Variants in MEF2C observed in about 807,000 individuals in gnomAD.
MEF2C encodes the protein myocyte-specific enhancer factor 2C.
A neutral mutation model predicts 50.5 loss-of-function variants in MEF2C; 6 were observed. The ratio of observed to expected loss-of-function variants is 0.12; its 90% CI spans 0.07 to 0.23. The LOEUF (loss-of-function observed/expected upper bound fraction) is 0.23. Among genes scored for constraint, MEF2C ranks in the 10% least tolerant of loss-of-function variants. The pLI is 1.00. For synonymous variants in MEF2C, 183 were observed against 228.0 expected, an observed-to-expected ratio of 0.80 and a Z score of 1.78; for missense variants, 276 against 605.0, an observed-to-expected ratio of 0.46 and a Z score of 5.70.
Position 88,764,724 on chromosome 5 carries a change from C to T in MEF2C, c.259-3396G>A, listed in dbSNP as rs1389401486. On this transcript the variant is annotated intron_variant, in intron 3 of 10. Transcript: ENST00000504921. ...TTGGGAGGCTGACACAGGAAAATCACTTGAACCCGGGAGCCAGAGATTGCA... is the reference window on the plus strand; with the variant it reads ...TTGGGAGGCTGACACAGGAAAATCATTTGAACCCGGGAGCCAGAGATTGCA... Among the ~76,000 whole-genome samples, 3 of 148,764 alleles carry T rather than the reference C, an allele frequency of 2.0e-5. No homozygotes were observed. In the Admixed American group the frequency reaches 2.0e-4, roughly 10 times the overall value.
chr5:88,839,016 A>G (rs764655136), intron 1 of MEF2C, among the ~76,000 whole-genome samples: 9 of 152,198 alleles, frequency 5.9e-5, no homozygotes, highest in Admixed American at 2.6e-4. Context: ...CGATATATTT[A>G]TAATTGTTGG....
At chr5:88,743,683 T>C (rs1410679362) in intron 6 of MEF2C, 1 of 985,432 alleles carries the variant, frequency 1.0e-6, no homozygotes, top group East Asian at 1.1e-4. Flanking sequence ...ATGGAGTCTT[T>C]CCAGAGTCTG....
At chr5:88,892,916 C>T (rs1026120777) in intron 1 of MEF2C, among the ~76,000 whole-genome samples, 3 of 152,174 alleles carry the variant, frequency 2.0e-5, no homozygotes, top group Non-Finnish European at 4.4e-5. Flanking sequence ...GGGCAAAAGC[C>T]TGCTGGGAAG....
At chr5:88,729,373 A>C (rs528057797) in intron 8 of MEF2C, 26 bp from the exon 9 acceptor site, 2 of 1,557,672 alleles carry the variant, frequency 1.3e-6, no homozygotes, top group African/African-American at 2.7e-5. Flanking sequence ...AAAAGACATT[A>C]CTGATGAATT....
intron 1 of MEF2C, among the ~76,000 whole-genome samples, chr5:88,851,182 G>A (rs1044157602): frequency 7.0e-6 from 1 of 143,026 alleles, no homozygotes; most frequent in Non-Finnish European, 1.5e-5. Context: ...GCAGTGAGCC[G>A]AGATCGCGCA....
At chr5:88,853,945 A>G (rs1822316684) in intron 1 of MEF2C, among the ~76,000 whole-genome samples, 1 of 152,216 alleles carries the variant, frequency 6.6e-6, no homozygotes, top group African/African-American at 2.4e-5. Context: ...TTGTTATTTC[A>G]TGACCTCACT....
At chr5:88,826,361 C>A (rs75479295) in intron 1 of MEF2C, among the ~76,000 whole-genome samples, 6,765 of 151,900 alleles carry the variant, frequency 0.045, 363 homozygotes, top group East Asian at 0.16. Flanking sequence ...ATAAATATTT[C>A]TTGAGGTATT....
intron 3 of MEF2C, among the ~76,000 whole-genome samples, chr5:88,784,887 A>G (rs1452953065): frequency 6.6e-6 from 1 of 152,158 alleles, no homozygotes; most frequent in Non-Finnish European, 1.5e-5. Flanking sequence ...GTAATTACTA[A>G]TACACCACAC....
chr5:88,742,619 T>G, intron 6 of MEF2C: 3 of 985,282 alleles, frequency 3.0e-6, no homozygotes, highest in Non-Finnish European at 3.6e-6. Flanking sequence ...TAAAATTTTC[T>G]TTTTTTCCTC....
At chr5:88,872,549 A>C (rs1331525053) in intron 1 of MEF2C, among the ~76,000 whole-genome samples, 2 of 152,006 alleles carry the variant, frequency 1.3e-5, no homozygotes, top group Non-Finnish European at 2.9e-5. Context: ...AAATAATTTT[A>C]ATAACCATCC....
At chr5:88,886,280 T>C (rs1233440853), upstream of MEF2C, among the ~76,000 whole-genome samples, 1 of 152,248 alleles carries the variant, frequency 6.6e-6, no homozygotes, top group East Asian at 1.9e-4. Context: ...GTGTGCTTTG[T>C]ATTCTTTAAA....
intron 2 of MEF2C, among the ~76,000 whole-genome samples, chr5:88,809,477 C>G (rs1005725474): frequency 6.6e-6 from 1 of 152,092 alleles, no homozygotes; most frequent in African/African-American, 2.4e-5. Context: ...AATAATATCT[C>G]CCTTGTTCAT....
chr5:88,767,708 TGGAGCTGA>T (rs1269431278), intron 3 of MEF2C, among the ~76,000 whole-genome samples: 1 of 152,186 alleles, frequency 6.6e-6, no homozygotes, highest in Non-Finnish European at 1.5e-5. Flanking sequence ...ATCTTAATAT[TGGAGCTGA>T]AATTTTTTTG....
rs1394283303 is a variant in MEF2C at position 88,719,583 on chromosome 5, C to T, written c.*3021G>A. On this transcript the variant is annotated 3_prime_UTR_variant, in exon 11 of 11. Transcript: ENST00000504921. ...CGGGTTATGTAAAATAATACTCCCT[C>T]AGGGCTCTGCCCTAAAGTCTGGAAT... 2.6e-5 allele frequency: 4 copies of T among 152,184 alleles called. No individual in the cohort carries two copies. The highest frequency in any genetic ancestry group is 1.3e-4 in the Admixed American group (2 of 15,282). The allele number at this position is 152,184 out of a possible 1,614,324, so 9.4% of individuals were successfully genotyped here.
chr5:88,879,306 C>A (rs924244395), intron 1 of MEF2C, among the ~76,000 whole-genome samples: 1 of 151,282 alleles, frequency 6.6e-6, no homozygotes, highest in Non-Finnish European at 1.5e-5. Context: ...AAACTTTATT[C>A]TCTGAAATAA....
At chr5:88,810,543 G>A (rs1263906552) in intron 2 of MEF2C, among the ~76,000 whole-genome samples, 2 of 152,010 alleles carry the variant, frequency 1.3e-5, no homozygotes, top group East Asian at 1.9e-4. Context: ...CAGCAAAAAT[G>A]TACTGAACTT....
chr5:88,768,567 GTTTA>G (rs997213704), intron 3 of MEF2C: 60 of 398,980 alleles, frequency 1.5e-4, no homozygotes, highest in African/African-American at 1.1e-3. Context: ...GTTAGGAATA[GTTTA>G]TTTGTCATCT....
At chr5:88,835,568 T>TTGGTC (rs1814748973) in intron 1 of MEF2C, among the ~76,000 whole-genome samples, 1 of 152,028 alleles carries the variant, frequency 6.6e-6, no homozygotes, top group African/African-American at 2.4e-5. Context: ...TCCCAGCACT[T>TTGGTC]TGAGAGGCCG....
chr5:88,873,828 C>G (rs994276042), intron 1 of MEF2C, among the ~76,000 whole-genome samples: 1 of 146,372 alleles, frequency 6.8e-6, no homozygotes, highest in African/African-American at 2.5e-5. Context: ...TATATAGAGT[C>G]TAAGTGAACT....
Sources: gnomAD v4.1 joint callset for allele counts (sites outside exome capture counted in the v4.1 genomes callset) on GRCh38, gnomAD v4.1.1 for gene constraint, MANE v1.5 for transcripts, NCBI Gene and HGNC (gene_info 2026-07-23, HGNC 2026-07-21) for gene names.